Variants in SLC24A2 observed in about 807,000 individuals in gnomAD.
SLC24A2 encodes the protein solute carrier family 24 member 2.
A neutral mutation model predicts 62.0 loss-of-function variants in SLC24A2; 36 were observed. The observed-to-expected ratio is 0.58, with a 90% CI of 0.44 to 0.77. The LOEUF (loss-of-function observed/expected upper bound fraction) is 0.77. SLC24A2 is among the 30% of genes least tolerant of loss of function. SLC24A2 has a pLI of 0.00. For synonymous variants in SLC24A2, 358 were observed against 294.0 expected (o/e 1.22, Z -2.23); for missense variants, 846 against 817.9 (o/e 1.03, Z -0.42).
At chr9:20,204,503 G>C in the SLC24A2 span, among the ~76,000 whole-genome samples, 3 of 152,116 alleles carry the variant, frequency 2.0e-5, no homozygotes, top group African/African-American at 7.2e-5. Flanking sequence ...AATATTCAAA[G>C]TGTTGAATAT....
the SLC24A2 span, among the ~76,000 whole-genome samples, chr9:19,960,979 G>A: frequency 6.6e-6 from 1 of 151,474 alleles, no homozygotes; most frequent in East Asian, 1.9e-4. Flanking sequence ...TAGACTAGGT[G>A]ACAATATATA....
chr9:20,264,063 C>A, the SLC24A2 span, among the ~76,000 whole-genome samples: 1 of 152,134 alleles, frequency 6.6e-6, no homozygotes, highest in Non-Finnish European at 1.5e-5. Flanking sequence ...GCCAATCTGA[C>A]TTCTATTGTA....
the SLC24A2 span, among the ~76,000 whole-genome samples, chr9:20,301,053 A>G: frequency 1.3e-5 from 2 of 152,150 alleles, no homozygotes; most frequent in African/African-American, 4.8e-5. Flanking sequence ...GGGATTAAAA[A>G]CTGGAGGAGC....
At chr9:20,184,406 C>T in the SLC24A2 span, among the ~76,000 whole-genome samples, 2 of 151,770 alleles carry the variant, frequency 1.3e-5, no homozygotes, top group East Asian at 1.9e-4. Context: ...AAAAATTAGC[C>T]GGTATGCTGG....
chr9:20,186,429 A>G, the SLC24A2 span, among the ~76,000 whole-genome samples: 1 of 152,076 alleles, frequency 6.6e-6, no homozygotes, highest in East Asian at 1.9e-4. Flanking sequence ...TCTCTTCACC[A>G]TCTGTCTTCC....
At chr9:19,657,572 C>G (rs1818977306) in intron 2 of SLC24A2, among the ~76,000 whole-genome samples, 2 of 151,436 alleles carry the variant, frequency 1.3e-5, no homozygotes, top group Admixed American at 1.3e-4. Context: ...ATTCTTTGAA[C>G]AGTTATACTT....
the SLC24A2 span, among the ~76,000 whole-genome samples, chr9:20,273,057 A>G: frequency 6.6e-6 from 1 of 152,206 alleles, no homozygotes; most frequent in Non-Finnish European, 1.5e-5. Context: ...TGACTTCCAC[A>G]GTGTGAGGCA....
rs1315389192 is a variant in SLC24A2 at position 19,511,236 on chromosome 9, T to C, written c.*4917A>G. The C allele has an allele frequency of 6.6e-6, 1 of 152,160 alleles. No individual in the cohort carries two copies. Among genetic ancestry groups the C allele is most frequent in the Non-Finnish European group, 1.5e-5 (1 of 68,038 alleles). 9.4% of individuals were successfully genotyped at this position (152,160 alleles called of 1,614,324 possible). On this transcript the variant is annotated 3_prime_UTR_variant, in exon 11 of 11. Transcript: ENST00000341998. ...AGTAGTTCCCTTATTGCTTTTCTTG[T>C]TTGCTATATATTTAAAAAATATGAA...
At chr9:19,721,905 T>C (rs1354228033) in intron 2 of SLC24A2, among the ~76,000 whole-genome samples, 2 of 152,170 alleles carry the variant, frequency 1.3e-5, no homozygotes, top group African/African-American at 4.8e-5. Context: ...TGAGGTTCAT[T>C]GCTTTTTTTC....
At chr9:20,224,739 T>C in the SLC24A2 span, among the ~76,000 whole-genome samples, 1 of 151,990 alleles carries the variant, frequency 6.6e-6, no homozygotes, top group South Asian at 2.1e-4. Flanking sequence ...AATACCAGAA[T>C]GCATCACCAG....
At chr9:19,726,506 A>G (rs539840152) in intron 2 of SLC24A2, among the ~76,000 whole-genome samples, 1 of 152,198 alleles carries the variant, frequency 6.6e-6, no homozygotes, top group Non-Finnish European at 1.5e-5. Context: ...CACTCCCTGC[A>G]CAACAGGAAA....
chr9:20,246,556 G>C, the SLC24A2 span, among the ~76,000 whole-genome samples: 1 of 152,192 alleles, frequency 6.6e-6, no homozygotes, highest in African/African-American at 2.4e-5. Context: ...ATATATCTCA[G>C]TCATTTGTGT....
the SLC24A2 span, among the ~76,000 whole-genome samples, chr9:19,815,224 GA>G: frequency 1.3e-5 from 2 of 152,092 alleles, no homozygotes; most frequent in Non-Finnish European, 2.9e-5. Context: ...ATGATTAAGA[GA>G]AAAAAGTAGT....
Position 19,636,315 on chromosome 9 carries a change from T to TTTTCTTTTCTTTTCTTTC in SLC24A2, c.931-14017_931-14016insGAAAGAAAAGAAAAGAAA. ...TTTTCTTTTCTTTTCTTTTCTTTTC[T>TTTTCTTTTCTTTTCTTTC]TTTCTTTCTTTCTTTCTTTCTTTCT... On this transcript the variant is annotated intron_variant, in intron 2 of 10. Coordinates refer to ENST00000341998, the MANE Select transcript of SLC24A2 (RefSeq NM_020344.4). Among the ~76,000 whole-genome samples the TTTTCTTTTCTTTTCTTTC allele has an allele frequency of 3.0e-3, 121 of 40,062 alleles. 1 individual carries two copies. Among genetic ancestry groups the TTTTCTTTTCTTTTCTTTC allele is most frequent in the African/African-American group, 3.3e-3 (28 of 8,600 alleles). The allele number at this position is 40,062 out of a possible 152,430, so 26.3% of individuals were successfully genotyped here. A position where few individuals can be genotyped will look rare whatever the true frequency, so the allele number is the denominator to read the frequency against.
At chr9:19,517,949 A>T (rs866622681) in intron 10 of SLC24A2, among the ~76,000 whole-genome samples, 168 of 147,988 alleles carry the variant, frequency 1.1e-3, no homozygotes, top group Middle Eastern at 3.4e-3. Context: ...ACACACACAC[A>T]CACACACACT....
chr9:19,853,424 G>T, the SLC24A2 span, among the ~76,000 whole-genome samples: 1 of 152,088 alleles, frequency 6.6e-6, no homozygotes, highest in African/African-American at 2.4e-5. Flanking sequence ...TGCTCTTTCA[G>T]TATTACACTG....
chr9:19,606,258 GAAT>G (rs1836981249), intron 4 of SLC24A2, among the ~76,000 whole-genome samples: 1 of 152,140 alleles, frequency 6.6e-6, no homozygotes, highest in Non-Finnish European at 1.5e-5. Flanking sequence ...TGGCAGAGGA[GAAT>G]TTTCATCATA....
chr9:19,719,568 A>G (rs779590228), intron 2 of SLC24A2, among the ~76,000 whole-genome samples: 13 of 152,172 alleles, frequency 8.5e-5, no homozygotes, highest in South Asian at 2.1e-4. Context: ...GATAGAGGAG[A>G]AAGGGCCCAG....
At chr9:19,798,691 C>G in the SLC24A2 span, among the ~76,000 whole-genome samples, 2 of 152,058 alleles carry the variant, frequency 1.3e-5, no homozygotes, top group Non-Finnish European at 2.9e-5. Context: ...TAGAGAAACA[C>G]ATATCCATAA....
Sources: allele counts gnomAD v4.1 joint callset (sites outside exome capture counted in the v4.1 genomes callset), GRCh38; gene constraint gnomAD v4.1.1; transcripts MANE v1.5; gene names NCBI Gene and HGNC (gene_info 2026-07-23, HGNC 2026-07-21).